The following ARHGAP5 variants were observed in gnomAD, a reference collection of about 807,000 sequenced individuals.
The protein encoded by ARHGAP5 is rho GTPase-activating protein 5.
ARHGAP5 carries 23 observed loss-of-function variants against 116.6 expected under a neutral mutation model. The ratio of observed to expected loss-of-function variants is 0.20; its 90% CI spans 0.14 to 0.28. ARHGAP5 has a LOEUF of 0.28. Ranked by LOEUF, ARHGAP5 falls within the 10% of genes least tolerant of loss-of-function variation. The pLI is 1.00. For missense variants in ARHGAP5, 1,405 were observed against 1,774.8 expected (o/e 0.79, Z 3.74); for synonymous variants, 574 against 602.0 (o/e 0.95, Z 0.68).
At chr14:32,122,313 C>T (rs534370691) in intron 3 of ARHGAP5, among the ~76,000 whole-genome samples, 1 of 152,278 alleles carries the variant, frequency 6.6e-6, no homozygotes, top group African/African-American at 2.4e-5. Flanking sequence ...TTTTTGTGCA[C>T]ATCTTTGAAG....
At chr14:32,115,508 A>ACAAAAAAATT (rs1410117779) in intron 2 of ARHGAP5, among the ~76,000 whole-genome samples, 1 of 151,802 alleles carries the variant, frequency 6.6e-6, no homozygotes. Flanking sequence ...CTAAAAAAAT[A>ACAAAAAAATT]CAAAAAAATT....
chr14:32,127,324 T>G (rs2139092740), intron 3 of ARHGAP5, among the ~76,000 whole-genome samples: 1 of 152,264 alleles, frequency 6.6e-6, no homozygotes, highest in East Asian at 1.9e-4. Context: ...CCCTGCAGCC[T>G]TCGGCAGTGT....
At chr14:32,132,662 T>C (rs979202530) in intron 3 of ARHGAP5, among the ~76,000 whole-genome samples, 2 of 152,220 alleles carry the variant, frequency 1.3e-5, no homozygotes, top group Non-Finnish European at 2.9e-5. Flanking sequence ...TCCTTGTCCA[T>C]GCCTATGTCC....
At chr14:32,127,454 T>G (rs1010620741) in intron 3 of ARHGAP5, among the ~76,000 whole-genome samples, 16 of 152,240 alleles carry the variant, frequency 1.1e-4, no homozygotes, top group African/African-American at 2.9e-4. Flanking sequence ...AACCCTGAGT[T>G]GACACAGCAC....
intron 4 of ARHGAP5, among the ~76,000 whole-genome samples, chr14:32,148,082 G>C (rs1045326509): frequency 6.6e-6 from 1 of 152,160 alleles, no homozygotes; most frequent in African/African-American, 2.4e-5. Context: ...GAACCCAGGA[G>C]GGGGAGGTTG....
At chr14:32,134,594 A>G (rs1403370508) in intron 3 of ARHGAP5, among the ~76,000 whole-genome samples, 1 of 152,226 alleles carries the variant, frequency 6.6e-6, no homozygotes, top group African/African-American at 2.4e-5. Context: ...TTTAAAACTC[A>G]AAATAGCCGG....
chr14:32,149,838 A>G lies in ARHGAP5; in HGVS notation c.3944-64A>G, dbSNP rs115181408. On this transcript the variant is annotated intron_variant, in intron 4 of 6. Transcript: ENST00000345122. Reference sequence around the variant, plus strand: ...GTTATCTTTTGATCTAAAAGTAACCATTTAGCTTGCTTCTATAATAAAGTT... The same window carrying G: ...GTTATCTTTTGATCTAAAAGTAACCGTTTAGCTTGCTTCTATAATAAAGTT... 4.7e-3 allele frequency: 4,658 copies of G among 991,668 alleles called. 160 individuals are homozygous for G. The African/African-American group carries it at 0.07, about 15-fold the overall frequency. The allele number at this position is 991,668 out of a possible 1,614,324, so 61.4% of individuals were successfully genotyped here.
chr14:32,122,650 C>T (rs1476854598), intron 3 of ARHGAP5, among the ~76,000 whole-genome samples: 1 of 152,148 alleles, frequency 6.6e-6, no homozygotes, highest in African/African-American at 2.4e-5. Context: ...TTATCACATA[C>T]ATTTAGGTCT....
intron 4 of ARHGAP5, among the ~76,000 whole-genome samples, chr14:32,149,362 A>G (rs899442248): frequency 2.6e-5 from 4 of 152,076 alleles, no homozygotes; most frequent in African/African-American, 9.7e-5. Context: ...AAAAAGATAG[A>G]TATTAGTAAA....
rs1256734742 is a variant in ARHGAP5, at chr14:32,092,254, A to G, written c.1585A>G (p.Lys529Glu). ...AGTTCTGAGTGAAGAACCTAGATAT[A>G]AAGCTTTACAGAAACTTGCACCTGA... ...HTVLSEEPRY[K>E]ALQKLAPDRE... The change falls in exon 2 of 7, where the codon AAA becomes GAA. Residue 529 changes from lysine (K) to glutamate (E), a missense_variant. Coordinates refer to ENST00000345122, the MANE Select transcript of ARHGAP5 (RefSeq NM_001030055.2). This position sits in a 1 kb window ranked among gnomAD's most constrained non-coding sequence, Gnocchi z 4.1. 5 of 1,613,394 alleles carry G rather than the reference A, an allele frequency of 3.1e-6. No individual in the cohort carries two copies. The highest frequency in any genetic ancestry group is 4.2e-6 in the Non-Finnish European group (5 of 1,179,696).
chr14:32,125,588 C>T (rs1880112346), intron 3 of ARHGAP5, among the ~76,000 whole-genome samples: 1 of 152,134 alleles, frequency 6.6e-6, no homozygotes, highest in Non-Finnish European at 1.5e-5. Context: ...ATTTTACTTC[C>T]CACCAACAAT....
At position 32,131,680 on chromosome 14, in the gene ARHGAP5, C is replaced by T. The variant is rs553598500; in HGVS notation, c.3865+14393C>T. 3.9e-5 allele frequency among the ~76,000 whole-genome samples: 6 copies of T among 152,264 alleles called. No homozygotes were observed. In the East Asian group the frequency reaches 7.7e-4, roughly 20 times the overall value. ...ACATGTGCCATGTTGGTGTGCTGCACCCATTAACTGGTCATTTAGCATCAG... is the reference window on the plus strand; with the variant it reads ...ACATGTGCCATGTTGGTGTGCTGCATCCATTAACTGGTCATTTAGCATCAG... On this transcript the variant is annotated intron_variant, in intron 3 of 6. Transcript: ENST00000345122.
In ARHGAP5 at chr14:32,155,802, A is replaced by G. The variant is rs1477196747; in HGVS notation, c.*854A>G. The G allele has an allele frequency of 6.6e-6, 1 of 152,544 alleles. No homozygotes were observed. The highest frequency in any genetic ancestry group is 1.5e-5 in the Non-Finnish European group (1 of 67,978). The allele number at this position is 152,544 out of a possible 1,614,324, so 9.4% of individuals were successfully genotyped here. ...TTCCCTCTTGGGGAACACATTTAGT[A>G]TAGTGTAGAAAATACTTCCATGACA... On this transcript the variant is annotated 3_prime_UTR_variant, in exon 7 of 7. Coordinates refer to ENST00000345122, the MANE Select transcript of ARHGAP5 (RefSeq NM_001030055.2).
At chr14:32,140,799 G>C (rs1334558199) in intron 3 of ARHGAP5, among the ~76,000 whole-genome samples, 1 of 152,124 alleles carries the variant, frequency 6.6e-6, no homozygotes, top group Admixed American at 6.5e-5. Flanking sequence ...ATATTGTGCT[G>C]TTGTTAGATA....
chr14:32,112,581 T>C (rs1340740384), intron 2 of ARHGAP5, among the ~76,000 whole-genome samples: 1 of 152,158 alleles, frequency 6.6e-6, no homozygotes, highest in Non-Finnish European at 1.5e-5. Context: ...GAATCAAAAA[T>C]TGGATTTTCG....
chr14:32,093,338 A>AT lies in ARHGAP5; in HGVS notation c.2676dup (p.Glu893Ter). ...GTGGCAGTTACTGACAGCCAAGCAG[A>AT]TTTTTTTGAAAATGAGGCTATCAAA... On this transcript the variant is annotated frameshift_variant, in exon 2 of 7. Transcript: ENST00000345122. LOFTEE classifies it high-confidence loss of function. 1 of 1,613,918 alleles carries AT rather than the reference A, an allele frequency of 6.2e-7. No individual in the cohort carries two copies. The highest frequency in any genetic ancestry group is 8.5e-7 in the Non-Finnish European group (1 of 1,179,920).
chr14:32,091,635 T>C lies in ARHGAP5; in HGVS notation c.966T>C (p.His322=). 1 of 1,611,980 alleles carries C rather than the reference T, an allele frequency of 6.2e-7. No individual in the cohort carries two copies. The highest frequency in any genetic ancestry group is 8.5e-7 in the Non-Finnish European group (1 of 1,178,872). The part of the protein sequence containing the change: ...TRKARNTFSK[H]IEQLKQEHIR... ...AGGCCAGAAATACATTCTCAAAACA[T>C]ATAGAACAACTTAAACAGGAACATA... is the stretch of plus-strand genomic sequence containing the variant. Residue 322 remains histidine (H), a synonymous_variant, in exon 2 of 7, where the codon CAT becomes CAC. Transcript: ENST00000345122.
At chr14:32,095,505 C>T (rs1238820135) in intron 2 of ARHGAP5, among the ~76,000 whole-genome samples, 2 of 151,542 alleles carry the variant, frequency 1.3e-5, no homozygotes, top group Non-Finnish European at 2.9e-5. Context: ...CTCCGCCTCC[C>T]GGGTTCAAGC....
At chr14:32,106,024 G>A (rs1004155933) in intron 2 of ARHGAP5, among the ~76,000 whole-genome samples, 2 of 152,154 alleles carry the variant, frequency 1.3e-5, no homozygotes, top group South Asian at 4.1e-4. Flanking sequence ...AAGGACATCA[G>A]GTCGTTCCAG....
Sources: allele counts gnomAD v4.1 joint callset (sites outside exome capture counted in the v4.1 genomes callset), GRCh38; gene constraint gnomAD v4.1.1; non-coding constraint Gnocchi (gnomAD v3.1); transcripts MANE v1.5; gene names NCBI Gene and HGNC (gene_info 2026-07-23, HGNC 2026-07-21).